PVALEF: variants seen among roughly 807,000 people sequenced by gnomAD.
PVALEF encodes parvalbumin-like EF-hand-containing protein.
PVALEF carries 2 observed loss-of-function variants against 1.2 expected under a neutral mutation model. That is an observed-to-expected ratio of 1.68 (90% CI 0.69 to 5.28). The LOEUF is 5.28. Ranked by LOEUF, PVALEF falls within the 30% of genes most tolerant of loss-of-function variation. PVALEF has a pLI of 0.06. For missense variants in PVALEF, 35 were observed against 17.7 expected (o/e 1.97, Z -1.75); for synonymous variants, 16 against 6.5 (o/e 2.47, Z -2.24).
intron 2 of PVALEF, among the ~76,000 whole-genome samples, chr17:81,171,772 G>T (rs755692408): frequency 6.6e-6 from 1 of 152,168 alleles, no homozygotes; most frequent in African/African-American, 2.4e-5. Context: ...GATTACAGGC[G>T]TGAGCCACCG....
chr17:81,176,442 C>G (rs1295301109), intron 2 of PVALEF, among the ~76,000 whole-genome samples: 2 of 152,136 alleles, frequency 1.3e-5, no homozygotes, highest in African/African-American at 4.8e-5. Context: ...TCATTGAACC[C>G]AGAAAGCAGA....
chr17:81,170,279 CTG>C (rs983439413), intron 2 of PVALEF, among the ~76,000 whole-genome samples: 24 of 146,092 alleles, frequency 1.6e-4, no homozygotes, highest in Admixed American at 4.8e-4. Context: ...ATAGGTGTGT[CTG>C]TGTGTGTTGG....
At chr17:81,165,974 TGAA>T in intron 1 of PVALEF, 2 of 1,585,178 alleles carry the variant, frequency 1.3e-6, no homozygotes, top group Non-Finnish European at 8.6e-7. Context: ...AAGCTGGGGT[TGAA>T]GAAGGACGAC....
At chr17:81,167,615 A>G (rs1042027258) in intron 2 of PVALEF, among the ~76,000 whole-genome samples, 29 of 152,152 alleles carry the variant, frequency 1.9e-4, no homozygotes, top group African/African-American at 6.5e-4. Context: ...TCCCTCATGT[A>G]GGAAGTTTCC....
chr17:81,169,104 C>G (rs925266154), intron 2 of PVALEF, among the ~76,000 whole-genome samples: 5 of 152,124 alleles, frequency 3.3e-5, no homozygotes, highest in African/African-American at 1.2e-4. Flanking sequence ...GGACAGAGCA[C>G]AGGTGGAGGG....
chr17:81,169,963 TTGG>T (rs1312101376), intron 2 of PVALEF, among the ~76,000 whole-genome samples: 1 of 150,472 alleles, frequency 6.6e-6, no homozygotes, highest in Middle Eastern at 3.2e-3. Flanking sequence ...TGTGTCGGTG[TTGG>T]TATGTGTACA....
intron 2 of PVALEF, among the ~76,000 whole-genome samples, chr17:81,171,997 C>T (rs570256885): frequency 1.4e-4 from 21 of 152,302 alleles, no homozygotes; most frequent in African/African-American, 4.8e-4. Flanking sequence ...TGTTCAGTCC[C>T]CATGGACCGG....
chr17:81,174,911 T>A (rs936769787), intron 2 of PVALEF, among the ~76,000 whole-genome samples: 1 of 145,136 alleles, frequency 6.9e-6, no homozygotes, highest in Non-Finnish European at 1.5e-5. Context: ...ATCACGCCAC[T>A]GCACTCCAGC....
At chr17:81,179,998 C>A (rs555320578) in intron 3 of PVALEF, among the ~76,000 whole-genome samples, 3 of 152,202 alleles carry the variant, frequency 2.0e-5, no homozygotes, top group Admixed American at 6.5e-5. Context: ...CAGCCTCCCC[C>A]GGCCGGACAT....
intron 2 of PVALEF, 71 bp downstream of exon 2, chr17:81,166,915 C>G (rs796321755): frequency 3.0e-6 from 1 of 329,514 alleles, no homozygotes; most frequent in African/African-American, 2.2e-5. Context: ...CCAGGATCCC[C>G]CATCCCCGCC....
At position 81,171,258 on chromosome 17, in the gene PVALEF, G is replaced by A. The variant is rs115991008; in HGVS notation, c.-340+4414G>A. Among the ~76,000 whole-genome samples, 214 of 152,286 alleles carry A rather than the reference G, an allele frequency of 1.4e-3. 2 individuals carry two copies. The highest frequency in any genetic ancestry group is 0.01 in the Middle Eastern group (3 of 294). On this transcript the variant is annotated intron_variant, in intron 2 of 6. Coordinates refer to ENST00000637878, the MANE Select transcript of PVALEF (RefSeq NM_001354639.2). ...GAACAGAAATGAAGCCGAAAGGGCCGCCCAGGGGACAGGCCATCTGTCAGC... is the reference window on the plus strand; with the variant it reads ...GAACAGAAATGAAGCCGAAAGGGCCACCCAGGGGACAGGCCATCTGTCAGC...
At chr17:81,176,880 G>A (rs7503940) in intron 2 of PVALEF, among the ~76,000 whole-genome samples, 35,516 of 150,690 alleles carry the variant, frequency 0.24, 4,532 homozygotes, top group Non-Finnish European at 0.28. Context: ...GAACAGGCAA[G>A]TGAATACTCA....
chr17:81,181,450 G>A (rs1030763703), intron 4 of PVALEF, 109 bp from the exon 5 acceptor site: 2 of 517,256 alleles, frequency 3.9e-6, no homozygotes, highest in Non-Finnish European at 6.8e-6. Flanking sequence ...CGGCGGGCGG[G>A]GACATGGGGG....
At chr17:81,175,370 C>T (rs1005348692) in intron 2 of PVALEF, among the ~76,000 whole-genome samples, 7 of 152,112 alleles carry the variant, frequency 4.6e-5, no homozygotes, top group Admixed American at 3.9e-4. Flanking sequence ...TTTCCCAAAG[C>T]GATCTACAGA....
chr17:81,168,091 G>A (rs765730735), intron 2 of PVALEF, among the ~76,000 whole-genome samples: 1 of 152,206 alleles, frequency 6.6e-6, no homozygotes, highest in African/African-American at 2.4e-5. Context: ...GCCCTCCTCT[G>A]CCCAGCCTGG....
intron 2 of PVALEF, among the ~76,000 whole-genome samples, chr17:81,173,849 A>C (rs756761181): frequency 6.6e-6 from 1 of 152,192 alleles, no homozygotes; most frequent in South Asian, 2.1e-4. Flanking sequence ...GACTACAAGG[A>C]AAGAAAAGTA....
intron 2 of PVALEF, among the ~76,000 whole-genome samples, chr17:81,167,892 C>T (rs2061504575): frequency 6.6e-6 from 1 of 152,256 alleles, no homozygotes; most frequent in Admixed American, 6.5e-5. Context: ...CCACCTCGTT[C>T]AGTCTGTGTC....
In PVALEF at chr17:81,166,827, T is replaced by C. The variant is rs1439419063; in HGVS notation, c.-357T>C. 1 of 450,464 alleles carries C rather than the reference T, an allele frequency of 2.2e-6. No individual in the cohort carries two copies. The highest frequency in any genetic ancestry group is 1.6e-5 in the South Asian group (1 of 63,846). The allele number at this position is 450,464 out of a possible 1,614,324, so 27.9% of individuals were successfully genotyped here. A position where few individuals can be genotyped will look rare whatever the true frequency, so the allele number is the denominator to read the frequency against. On this transcript the variant is annotated 5_prime_UTR_variant, in exon 2 of 7. Transcript: ENST00000637878. ...GGAAGAACCTGGCTGAGTCTCCACC[T>C]GCCGTGGACTGTACCAGGTGCTTAG...
Position 81,166,838 on chromosome 17 carries a change from G to A in PVALEF, c.-346G>A, listed in dbSNP as rs1420242517. On this transcript the variant is annotated 5_prime_UTR_variant, in exon 2 of 7. Transcript: ENST00000637878. ...GCTGAGTCTCCACCTGCCGTGGACT[G>A]TACCAGGTGCTTAGGGCAGCAGGTT... 1 of 433,398 alleles carries A rather than the reference G, an allele frequency of 2.3e-6. No individual in the cohort carries two copies. Among genetic ancestry groups the A allele is most frequent in the Admixed American group, 2.5e-5 (1 of 39,996 alleles). 26.8% of individuals were successfully genotyped at this position (433,398 alleles called of 1,614,324 possible). A position where few individuals can be genotyped will look rare whatever the true frequency, so the allele number is the denominator to read the frequency against.
Sources: allele counts gnomAD v4.1 joint callset (sites outside exome capture counted in the v4.1 genomes callset), GRCh38; gene constraint gnomAD v4.1.1; transcripts MANE v1.5; gene names NCBI Gene and HGNC (gene_info 2026-07-23, HGNC 2026-07-21).